DAPK1: variants seen among roughly 807,000 people sequenced by gnomAD.
DAPK1 encodes death associated protein kinase 1.
Under a neutral mutation model 144.9 loss-of-function variants are expected in DAPK1, and 56 were observed. That is an observed-to-expected ratio of 0.39 (90% CI 0.31 to 0.48). The LOEUF (loss-of-function observed/expected upper bound fraction) is 0.48, where lower values mean the gene tolerates loss of function less well. Among genes scored for constraint, DAPK1 ranks in the 20% least tolerant of loss-of-function variants. DAPK1 has a pLI of 0.95. For missense variants in DAPK1, 1,454 were observed against 1,875.4 expected (o/e 0.78, Z 4.15); for synonymous variants, 690 against 749.0 (o/e 0.92, Z 1.29).
chr9:87,665,355 C>T (rs1831014397), intron 18 of DAPK1, among the ~76,000 whole-genome samples: 1 of 152,170 alleles, frequency 6.6e-6, no homozygotes, highest in Non-Finnish European at 1.5e-5. Context: ...ATGAATGGCA[C>T]CATAGTCCAG....
chr9:87,657,849 C>T, intron 17 of DAPK1, 180 bp from the exon 18 acceptor site: 1 of 610,548 alleles, frequency 1.6e-6, no homozygotes, highest in Non-Finnish European at 2.9e-6. Context: ...TTGCAAAGTA[C>T]TTGGAAAGGT....
At chr9:87,596,959 G>C (rs1043778124) in intron 2 of DAPK1, among the ~76,000 whole-genome samples, 6 of 152,124 alleles carry the variant, frequency 3.9e-5, no homozygotes, top group Non-Finnish European at 4.4e-5. Context: ...CTGAAGACTT[G>C]ATGGCCCAGA....
chr9:87,642,551 GGTAGGACATTGCTCT>G (rs1274988222), intron 10 of DAPK1, among the ~76,000 whole-genome samples: 1 of 152,060 alleles, frequency 6.6e-6, no homozygotes, highest in Non-Finnish European at 1.5e-5. Context: ...ACAGGGGCTG[GGTAGGACATTGCTCT>G]GAAGGCATTG....
At chr9:87,642,342 T>C (rs535366720) in intron 10 of DAPK1, among the ~76,000 whole-genome samples, 1 of 152,302 alleles carries the variant, frequency 6.6e-6, no homozygotes, top group African/African-American at 2.4e-5. Context: ...ATAGTGAAAT[T>C]TTTTTCTAAT....
At chr9:87,607,967 A>G (rs1232067054) in intron 3 of DAPK1, among the ~76,000 whole-genome samples, 1 of 152,164 alleles carries the variant, frequency 6.6e-6, no homozygotes, top group African/African-American at 2.4e-5. Flanking sequence ...ACTTACAATG[A>G]TGGCAGAAGG....
intron 19 of DAPK1, among the ~76,000 whole-genome samples, chr9:87,672,242 T>C (rs1824197105): frequency 6.6e-6 from 1 of 152,188 alleles, no homozygotes; most frequent in Non-Finnish European, 1.5e-5. Flanking sequence ...TCATTTGTGA[T>C]GACAGCCACC....
chr9:87,600,532 G>A (rs1411618425), intron 2 of DAPK1, among the ~76,000 whole-genome samples: 1 of 152,166 alleles, frequency 6.6e-6, no homozygotes, highest in Non-Finnish European at 1.5e-5. Context: ...GGTCAAGGCT[G>A]CAGTGAGCTG....
chr9:87,589,871 C>T (rs1168180003), intron 2 of DAPK1, among the ~76,000 whole-genome samples: 1 of 152,118 alleles, frequency 6.6e-6, no homozygotes, highest in Non-Finnish European at 1.5e-5. Flanking sequence ...ACTCCACTCA[C>T]CAAAATCTAC....
At chr9:87,636,930 A>T (rs573706746) in intron 3 of DAPK1, among the ~76,000 whole-genome samples, 2 of 152,162 alleles carry the variant, frequency 1.3e-5, no homozygotes, top group African/African-American at 4.8e-5. Context: ...TTTTGAATGC[A>T]TGCTGTGTGC....
At chr9:87,638,625 A>G (rs933408190) in intron 4 of DAPK1, among the ~76,000 whole-genome samples, 2 of 152,216 alleles carry the variant, frequency 1.3e-5, no homozygotes, top group Non-Finnish European at 2.9e-5. Context: ...GACAGGAGCA[A>G]TAGGAAGTGG....
At chr9:87,688,801 A>G (rs944881547) in intron 21 of DAPK1, among the ~76,000 whole-genome samples, 10 of 150,324 alleles carry the variant, frequency 6.7e-5, no homozygotes, top group Admixed American at 5.9e-4. Flanking sequence ...TACTTGTTCA[A>G]CTCTTTAAGT....
chr9:87,561,191 G>A (rs1192800861), intron 2 of DAPK1, among the ~76,000 whole-genome samples: 1 of 152,160 alleles, frequency 6.6e-6, no homozygotes, highest in Non-Finnish European at 1.5e-5. Flanking sequence ...TGGGCAGCAA[G>A]AGTTGAGCCT....
intron 24 of DAPK1, among the ~76,000 whole-genome samples, chr9:87,702,326 A>G (rs2118080491): frequency 6.6e-6 from 1 of 152,340 alleles, no homozygotes; most frequent in East Asian, 1.9e-4. Flanking sequence ...TAATTAACCA[A>G]GTTAAAAGGT....
intron 2 of DAPK1, among the ~76,000 whole-genome samples, chr9:87,561,636 GAA>G (rs1826929212): frequency 6.6e-6 from 1 of 152,152 alleles, no homozygotes; most frequent in South Asian, 2.1e-4. Context: ...ATTGAATAAA[GAA>G]ATTCCCCAGA....
chr9:87,510,144 TCTGTG>T (rs1280294187), intron 2 of DAPK1, among the ~76,000 whole-genome samples: 1 of 152,156 alleles, frequency 6.6e-6, no homozygotes, highest in Non-Finnish European at 1.5e-5. Flanking sequence ...ACGTTGTCAG[TCTGTG>T]CGTTCCTCCC....
At chr9:87,610,683 G>C (rs1828891526) in intron 3 of DAPK1, among the ~76,000 whole-genome samples, 1 of 152,220 alleles carries the variant, frequency 6.6e-6, no homozygotes, top group Admixed American at 6.5e-5. Flanking sequence ...CCTCCATGAA[G>C]CCTCAGTGTC....
At position 87,646,141 on chromosome 9, in the gene DAPK1, A is replaced by C. The variant is rs73652193; in HGVS notation, c.1131+127A>C. 1.1e-4 allele frequency: 134 copies of C among 1,175,154 alleles called. No homozygotes were observed. The African/African-American group carries it at 1.9e-3, about 17-fold the overall frequency. 72.8% of individuals were successfully genotyped at this position (1,175,154 alleles called of 1,614,324 possible). A position where few individuals can be genotyped will look rare whatever the true frequency, so the allele number is the denominator to read the frequency against. On this transcript the variant is annotated intron_variant, in intron 12 of 25. Coordinates refer to ENST00000408954, the MANE Select transcript of DAPK1 (RefSeq NM_004938.4). ...ATTGGAAGCTCCATACTGTGGGGAA[A>C]ATCACTTCTGTTTAGAAAGTGATTT...
intron 2 of DAPK1, among the ~76,000 whole-genome samples, chr9:87,570,300 G>A (rs760338228): frequency 6.6e-6 from 1 of 152,048 alleles, no homozygotes; most frequent in African/African-American, 2.4e-5. Flanking sequence ...CTTCACTTCT[G>A]ACTCCAGCTT....
chr9:87,561,394 C>T (rs1023495576), intron 2 of DAPK1, among the ~76,000 whole-genome samples: 5 of 151,926 alleles, frequency 3.3e-5, no homozygotes, highest in Admixed American at 6.5e-5. Context: ...GGCGTTGTGG[C>T]GGGCGCCTGT....
Sources: gnomAD v4.1 joint callset for allele counts (sites outside exome capture counted in the v4.1 genomes callset) on GRCh38, gnomAD v4.1.1 for gene constraint, MANE v1.5 for transcripts, NCBI Gene and HGNC (gene_info 2026-07-23, HGNC 2026-07-21) for gene names.